Variants in OR51L1 observed in about 807,000 individuals in gnomAD.
OR51L1 encodes the protein olfactory receptor 51L1.
Under a neutral mutation model 1.4 loss-of-function variants are expected in OR51L1, and 1 was observed. That is an observed-to-expected ratio of 0.72 (90% CI 0.26 to 3.42). The LOEUF (loss-of-function observed/expected upper bound fraction) is 3.42. Among genes scored for constraint, OR51L1 ranks in the 30% most tolerant of loss-of-function variants. The pLI is 0.20. For missense variants in OR51L1, 378 were observed against 380.0 expected, an observed-to-expected ratio of 0.99 and a Z score of 0.04; for synonymous variants, 156 against 144.2, an observed-to-expected ratio of 1.08 and a Z score of -0.59.
rs536613890 is a variant in OR51L1 at position 4,999,854 on chromosome 11, C to T, written c.872C>T (p.Pro291Leu). 5 of 1,613,970 alleles carry T rather than the reference C, an allele frequency of 3.1e-6. No homozygotes were observed. The highest frequency in any genetic ancestry group is 4.2e-6 in the Non-Finnish European group (5 of 1,179,932). Residue 291 changes from proline (P) to leucine (L), a missense_variant, in exon 3 of 3, where the codon CCT becomes CTT. Physicochemically the swap from Pro to Leu is moderately conservative, Grantham distance 98 (BLOSUM62 -3). Transcript: ENST00000641819. ...IYLLLPPVLNPIVYSVRTKQI... is the reference protein window; with the variant it reads ...IYLLLPPVLNLIVYSVRTKQI... ...CTTCTTCTTCCCCCAGTCCTTAACC[C>T]TATTGTCTATAGTGTCAGAACAAAG...
intron 2 of OR51L1, among the ~76,000 whole-genome samples, chr11:4,998,002 CA>C (rs1248278010): frequency 2.0e-5 from 3 of 151,824 alleles, no homozygotes; most frequent in Admixed American, 6.6e-5. Context: ...ATCAATCAAT[CA>C]AAAAAATCAA....
At position 5,004,995 on chromosome 11, in the gene OR51L1, C is replaced by T. The variant is rs939637354; in HGVS notation, c.*5065C>T. On this transcript the variant is annotated 3_prime_UTR_variant, in exon 3 of 3. Coordinates refer to ENST00000641819, the MANE Select transcript of OR51L1 (RefSeq NM_001004755.2). ...TAAAGACTAAGTCCTGAAGCTGAATCATTGCAACACTCTCTTCCACATGAA... is the reference window on the plus strand; with the variant it reads ...TAAAGACTAAGTCCTGAAGCTGAATTATTGCAACACTCTCTTCCACATGAA... 1 of 152,172 alleles carries T rather than the reference C, an allele frequency of 6.6e-6. No individual in the cohort carries two copies. The highest frequency in any genetic ancestry group is 2.4e-5 in the African/African-American group (1 of 41,448). 9.4% of individuals were successfully genotyped at this position (152,172 alleles called of 1,614,324 possible). A position where few individuals can be genotyped will look rare whatever the true frequency, so the allele number is the denominator to read the frequency against.
At chr11:4,996,778 CTCTCTG>C (rs1847077180) in intron 1 of OR51L1, among the ~76,000 whole-genome samples, 2 of 72,758 alleles carry the variant, frequency 2.7e-5, no homozygotes, top group Admixed American at 1.6e-4. Flanking sequence ...TCATTTCTCT[CTCTCTG>C]TTTCTTTCTT....
Position 4,999,690 on chromosome 11 carries a change from G to A in OR51L1, c.708G>A (p.Gln236=). Residue 236 remains glutamine (Q), a synonymous_variant, in exon 3 of 3, where the codon CAG becomes CAA. Transcript: ENST00000641819. ...TGGATATTGCATCTCGTGAAGAGCA[G>A]CTAAAGGCACTCAACACATGTGTAT... The part of the protein sequence containing the change: ...TVLDIASREE[Q]LKALNTCVSH... The A allele has an allele frequency of 6.2e-7, 1 of 1,614,062 alleles. No homozygotes were observed. The highest frequency in any genetic ancestry group is 8.5e-7 in the Non-Finnish European group (1 of 1,179,994).
Position 4,999,902 on chromosome 11 carries a change from A to C in OR51L1, c.920A>C (p.His307Pro), listed in dbSNP as rs771549397. 1 of 1,612,766 alleles carries C rather than the reference A, an allele frequency of 6.2e-7. No homozygotes were observed. The highest frequency in any genetic ancestry group is 1.3e-5 in the African/African-American group (1 of 74,910). ...RTKQIRLGILHKFVLRRRF is the reference protein window; with the variant it reads ...RTKQIRLGILPKFVLRRRF ...AAGCAGATTCGTCTAGGAATTCTCCACAAGTTTGTCCTAAGGAGGAGGTTT... is the reference window on the plus strand; with the variant it reads ...AAGCAGATTCGTCTAGGAATTCTCCCCAAGTTTGTCCTAAGGAGGAGGTTT... Residue 307 changes from histidine to proline, a missense_variant, in exon 3 of 3, where the codon CAC becomes CCC. His to Pro is a moderately conservative substitution (Grantham distance 77). Coordinates refer to ENST00000641819, the MANE Select transcript of OR51L1 (RefSeq NM_001004755.2).
intron 1 of OR51L1, among the ~76,000 whole-genome samples, chr11:4,997,059 C>T (rs941213394): frequency 6.6e-6 from 1 of 152,048 alleles, no homozygotes; most frequent in Non-Finnish European, 1.5e-5. Context: ...TTATTTAAGA[C>T]GAGGGTCTCA....
chr11:4,997,529 G>A lies in OR51L1; in HGVS notation c.-214G>A, dbSNP rs1299452976. 1 of 152,174 alleles carries A rather than the reference G, an allele frequency of 6.6e-6. No homozygotes were observed. 9.4% of individuals were successfully genotyped at this position (152,174 alleles called of 1,614,324 possible). A position where few individuals can be genotyped will look rare whatever the true frequency, so the allele number is the denominator to read the frequency against. Reference sequence around the variant, plus strand: ...GGAGGGTTGAGGGAATTACTGAGATGTTGCTACAGAGAGATGTTGCTGAAG... The same window carrying A: ...GGAGGGTTGAGGGAATTACTGAGATATTGCTACAGAGAGATGTTGCTGAAG... On this transcript the variant is annotated 5_prime_UTR_variant, in exon 2 of 3. An upstream start codon of the reference 5' UTR is lost. Coordinates refer to ENST00000641819, the MANE Select transcript of OR51L1 (RefSeq NM_001004755.2).
Position 5,003,800 on chromosome 11 carries a change from T to A in OR51L1, c.*3870T>A, listed in dbSNP as rs952507277. 14 of 152,184 alleles carry A rather than the reference T, an allele frequency of 9.2e-5. No homozygotes were observed. Among genetic ancestry groups the A allele is most frequent in the African/African-American group, 2.9e-4 (12 of 41,454 alleles). The allele number at this position is 152,184 out of a possible 1,614,324, so 9.4% of individuals were successfully genotyped here. A position where few individuals can be genotyped will look rare whatever the true frequency, so the allele number is the denominator to read the frequency against. On this transcript the variant is annotated 3_prime_UTR_variant, in exon 3 of 3. Transcript: ENST00000641819. Reference sequence around the variant, plus strand: ...TATAATTCAAGTTGACATTGTGAGATGTATGTATACAACCATCTTCTACAA... The same window carrying A: ...TATAATTCAAGTTGACATTGTGAGAAGTATGTATACAACCATCTTCTACAA...
At position 4,996,108 on chromosome 11, in the gene OR51L1, A is replaced by G. The variant is rs74519087; in HGVS notation, c.-262+773A>G. On this transcript the variant is annotated intron_variant, in intron 1 of 2. Coordinates refer to ENST00000641819, the MANE Select transcript of OR51L1 (RefSeq NM_001004755.2). Reference sequence around the variant, plus strand: ...ATCAATGAGATAAAGCAGTGAGTTAATAATATTGTAGAAATGGGGACTCTT... The same window carrying G: ...ATCAATGAGATAAAGCAGTGAGTTAGTAATATTGTAGAAATGGGGACTCTT... 7.8e-3 allele frequency among the ~76,000 whole-genome samples: 1,195 copies of G among 152,244 alleles called. 6 individuals are homozygous for G. Among genetic ancestry groups the G allele is most frequent in the Middle Eastern group, 0.024 (7 of 294 alleles).
rs769957998 is a variant in OR51L1 at position 4,999,627 on chromosome 11, C to T, written c.645C>T (p.Phe215=). The T allele has an allele frequency of 4.3e-6, 7 of 1,613,844 alleles. No individual in the cohort carries two copies. In the East Asian group the frequency reaches 1.6e-4, roughly 36 times the overall value. ...VIATLGVDSI[F]ILLSYVLILN... ...CCACACTAGGTGTGGATTCAATCTT[C>T]ATACTTCTTTCTTATGTTCTGATTC... Residue 215 remains phenylalanine, a synonymous_variant, in exon 3 of 3, where the codon TTC becomes TTT. Transcript: ENST00000641819.
At position 5,004,069 on chromosome 11, in the gene OR51L1, C is replaced by T. The variant is rs1041968318; in HGVS notation, c.*4139C>T. The T allele has an allele frequency of 3.3e-5, 5 of 152,046 alleles. No individual in the cohort carries two copies. Among genetic ancestry groups the T allele is most frequent in the African/African-American group, 1.2e-4 (5 of 41,394 alleles). The allele number at this position is 152,046 out of a possible 1,614,324, so 9.4% of individuals were successfully genotyped here. A position where few individuals can be genotyped will look rare whatever the true frequency, so the allele number is the denominator to read the frequency against. On this transcript the variant is annotated 3_prime_UTR_variant, in exon 3 of 3. Transcript: ENST00000641819. ...AACTTTAAAGAAGGTAAAGACAACGCTGAGTAATACCCTAGAGCTAAGAGA... is the reference window on the plus strand; with the variant it reads ...AACTTTAAAGAAGGTAAAGACAACGTTGAGTAATACCCTAGAGCTAAGAGA...
rs1241154791 is a variant in OR51L1 at position 5,004,541 on chromosome 11, A to G, written c.*4611A>G. 1.3e-5 allele frequency: 2 copies of G among 152,106 alleles called. No homozygotes were observed. Among genetic ancestry groups the G allele is most frequent in the East Asian group, 3.9e-4 (2 of 5,188 alleles). 9.4% of individuals were successfully genotyped at this position (152,106 alleles called of 1,614,324 possible). A position where few individuals can be genotyped will look rare whatever the true frequency, so the allele number is the denominator to read the frequency against. ...AATTTGATAGGATGAGTATTACTAA[A>G]TATTTCTCATTACACGCCTCTGGTA... On this transcript the variant is annotated 3_prime_UTR_variant, in exon 3 of 3. Transcript: ENST00000641819.
In OR51L1 at chr11:5,003,796, G is replaced by A. The variant is rs1847152441; in HGVS notation, c.*3866G>A. 2.0e-5 allele frequency: 3 copies of A among 152,240 alleles called. No individual in the cohort carries two copies. Among genetic ancestry groups the A allele is most frequent in the South Asian group, 4.2e-4 (2 of 4,818 alleles). 9.4% of individuals were successfully genotyped at this position (152,240 alleles called of 1,614,324 possible). The stretch of plus-strand genomic sequence containing the variant: ...AACCTATAATTCAAGTTGACATTGT[G>A]AGATGTATGTATACAACCATCTTCT... On this transcript the variant is annotated 3_prime_UTR_variant, in exon 3 of 3. Coordinates refer to ENST00000641819, the MANE Select transcript of OR51L1 (RefSeq NM_001004755.2).
rs140019286 is a variant in OR51L1, at chr11:4,999,404, G to T, written c.422G>T (p.Ser141Ile). ...PLHYPTILTNSVIGKIGLACL... is the reference protein window; with the variant it reads ...PLHYPTILTNIVIGKIGLACL... ...CACTACCCCACCATCCTCACCAACA[G>T]TGTAATTGGCAAAATTGGTTTGGCC... The change falls in exon 3 of 3, where the codon AGT becomes ATT. Residue 141 changes from serine to isoleucine, a missense_variant. Coordinates refer to ENST00000641819, the MANE Select transcript of OR51L1 (RefSeq NM_001004755.2). 1.4e-4 allele frequency: 233 copies of T among 1,614,172 alleles called. 2 individuals carry two copies. In the African/African-American group the frequency reaches 2.9e-3, roughly 20 times the overall value.
In OR51L1 at chr11:5,004,479, A is replaced by T. The variant is rs1468971269; in HGVS notation, c.*4549A>T. On this transcript the variant is annotated 3_prime_UTR_variant, in exon 3 of 3. Transcript: ENST00000641819. ...GAAGCCAGTCCCTAGAGTAACTGCA[A>T]GACTCAGTAAGAGTCTAGCCATATG... 6.6e-6 allele frequency: 1 copy of T among 152,222 alleles called. No individual in the cohort carries two copies. The allele number at this position is 152,222 out of a possible 1,614,324, so 9.4% of individuals were successfully genotyped here.
At chr11:4,997,018 G>T (rs1046861137) in intron 1 of OR51L1, among the ~76,000 whole-genome samples, 1 of 152,034 alleles carries the variant, frequency 6.6e-6, no homozygotes, top group Non-Finnish European at 1.5e-5. Context: ...ACTCTGCTGG[G>T]TGTGAAGAAT....
rs758630333 is a variant in OR51L1, at chr11:5,002,278, G to C, written c.*2348G>C. On this transcript the variant is annotated 3_prime_UTR_variant, in exon 3 of 3. Transcript: ENST00000641819. ...GGACTTGAAATTTTTTCTTAGAGAG[G>C]AGGTGGTTAAACACTTACCAACACA... The C allele has an allele frequency of 1.3e-5, 2 of 152,148 alleles. No homozygotes were observed. Among genetic ancestry groups the C allele is most frequent in the East Asian group, 3.9e-4 (2 of 5,192 alleles). The allele number at this position is 152,148 out of a possible 1,614,324, so 9.4% of individuals were successfully genotyped here.
chr11:5,000,003 C>T lies in OR51L1; in HGVS notation c.*73C>T, dbSNP rs368608438. 2.4e-5 allele frequency: 33 copies of T among 1,381,288 alleles called. No individual in the cohort carries two copies. In the African/African-American group the frequency reaches 4.2e-4, roughly 18 times the overall value. The allele number at this position is 1,381,288 out of a possible 1,614,324, so 85.6% of individuals were successfully genotyped here. ...TTTTAGTATATGAAAAGTAAAATAT[C>T]TGGGTGTTGCTCATCTGGTTAAAAT... On this transcript the variant is annotated 3_prime_UTR_variant, in exon 3 of 3. Coordinates refer to ENST00000641819, the MANE Select transcript of OR51L1 (RefSeq NM_001004755.2).
At position 4,999,085 on chromosome 11, in the gene OR51L1, C is replaced by T. The variant is rs535510477; in HGVS notation, c.103C>T (p.Leu35Phe). ...VHSWLSILFC[L>F]AYLVAFMGNV... ...TTCTTGGCTCTCCATCCTCTTCTGT[C>T]TTGCATATTTGGTAGCATTTATGGG... The change falls in exon 3 of 3, where the codon CTT (leucine) becomes TTT (phenylalanine). Residue 35 changes from leucine (L) to phenylalanine (F), a missense_variant. Coordinates refer to ENST00000641819, the MANE Select transcript of OR51L1 (RefSeq NM_001004755.2). 6.2e-7 allele frequency: 1 copy of T among 1,614,104 alleles called. No individual in the cohort carries two copies. The highest frequency in any genetic ancestry group is 1.3e-5 in the African/African-American group (1 of 75,004).
Sources: allele counts gnomAD v4.1 joint callset (sites outside exome capture counted in the v4.1 genomes callset), GRCh38; gene constraint gnomAD v4.1.1; transcripts MANE v1.5; gene names NCBI Gene and HGNC (gene_info 2026-07-23, HGNC 2026-07-21).